DACH2: variants seen among roughly 807,000 people sequenced by gnomAD.
The protein encoded by DACH2 is dachshund homolog 2.
DACH2 carries 17 observed loss-of-function variants against 35.8 expected under a neutral mutation model. That is an observed-to-expected ratio of 0.48 (90% CI 0.33 to 0.71). The LOEUF is 0.71. Among genes scored for constraint, DACH2 ranks in the 30% least tolerant of loss-of-function variants. The probability of loss-of-function intolerance (pLI) is 0.02; values close to 1 mark genes in which losing one functional copy is unlikely to be tolerated. For synonymous variants in DACH2, 195 were observed against 177.3 expected, an observed-to-expected ratio of 1.10 and a Z score of -0.79; for missense variants, 469 against 472.7, an observed-to-expected ratio of 0.99 and a Z score of 0.07.
chrX:86,589,132 T>C (rs2039611833), intron 3 of DACH2, among the ~76,000 whole-genome samples: 1 of 111,996 alleles, frequency 8.9e-6, no homozygotes, highest in African/African-American at 3.2e-5. Context: ...ATGGTTTTTG[T>C]CTTTAATTAT....
intron 7 of DACH2, among the ~76,000 whole-genome samples, chrX:86,765,646 G>GT (rs1260651068): frequency 1.1e-5 from 1 of 93,779 alleles, no homozygotes; most frequent in Non-Finnish European, 2.1e-5. Flanking sequence ...TTAGAGTATA[G>GT]TTTAAAGTCA....
intron 1 of DACH2, among the ~76,000 whole-genome samples, chrX:86,333,961 G>A (rs912737517): frequency 9.1e-6 from 1 of 109,558 alleles, no homozygotes; most frequent in African/African-American, 3.3e-5. Flanking sequence ...CTGTGTCCAT[G>A]TGTTCTCATT....
At chrX:86,334,560 T>C (rs766324670) in intron 1 of DACH2, among the ~76,000 whole-genome samples, 26 of 112,729 alleles carry the variant, frequency 2.3e-4, no homozygotes, top group African/African-American at 6.8e-4. Context: ...TGTCTTCTTA[T>C]GAGAAGTGTC....
At chrX:86,713,270 G>A (rs2041298663) in intron 5 of DACH2, among the ~76,000 whole-genome samples, 1 of 111,395 alleles carries the variant, frequency 9.0e-6, no homozygotes, top group African/African-American at 3.3e-5. Flanking sequence ...GCCATAGAAT[G>A]CGAGAAAATC....
intron 2 of DACH2, among the ~76,000 whole-genome samples, chrX:86,436,361 T>TC (rs1368447623): frequency 4.1e-5 from 2 of 49,288 alleles, no homozygotes; most frequent in Non-Finnish European, 6.7e-5. Flanking sequence ...AAGGTGGTGA[T>TC]ATATGTATAT....
chrX:86,407,404 C>T (rs2036543224), intron 2 of DACH2, among the ~76,000 whole-genome samples: 2 of 111,822 alleles, frequency 1.8e-5, no homozygotes, highest in African/African-American at 3.2e-5. Context: ...TAAAGCGTGG[C>T]TTTTCTTATC....
At chrX:86,542,319 T>A (rs963381957) in intron 3 of DACH2, among the ~76,000 whole-genome samples, 24 of 111,817 alleles carry the variant, frequency 2.1e-4, no homozygotes, top group Admixed American at 3.8e-4. Flanking sequence ...GCCATGAGTG[T>A]GATCTCTCAA....
intron 4 of DACH2, among the ~76,000 whole-genome samples, chrX:86,668,285 T>C (rs2040723580): frequency 8.9e-6 from 1 of 112,069 alleles, no homozygotes; most frequent in South Asian, 3.7e-4. Flanking sequence ...AATTTTTCAG[T>C]CTCTTGTTAA....
intron 1 of DACH2, among the ~76,000 whole-genome samples, chrX:86,191,992 A>G (rs1333423117): frequency 1.8e-5 from 2 of 111,677 alleles, no homozygotes; most frequent in African/African-American, 3.2e-5. Flanking sequence ...GTCTTATTCA[A>G]CTTTAGTTCC....
chrX:86,331,946 C>T (rs1003740299), intron 1 of DACH2, among the ~76,000 whole-genome samples: 3 of 111,284 alleles, frequency 2.7e-5, no homozygotes, highest in Non-Finnish European at 3.8e-5. Flanking sequence ...TTCCTATCTG[C>T]GTTTATAAGA....
At chrX:86,319,142 G>T (rs1164432111) in intron 1 of DACH2, among the ~76,000 whole-genome samples, 3 of 111,477 alleles carry the variant, frequency 2.7e-5, no homozygotes, top group Non-Finnish European at 5.7e-5. Context: ...AAACCTTGTT[G>T]CGCTTTTATT....
At chrX:86,421,515 G>A (rs139264726) in intron 2 of DACH2, among the ~76,000 whole-genome samples, 6 of 111,363 alleles carry the variant, frequency 5.4e-5, no homozygotes, top group East Asian at 2.8e-4. Flanking sequence ...AGCAAACACG[G>A]TTTTTGGAAG....
intron 3 of DACH2, among the ~76,000 whole-genome samples, chrX:86,571,185 A>T (rs932979695): frequency 1.7e-4 from 19 of 111,264 alleles, no homozygotes; most frequent in African/African-American, 6.2e-4. Flanking sequence ...ATCATTTGTT[A>T]AAAATCTTTT....
chrX:86,764,304 G>C (rs189359813), intron 7 of DACH2, among the ~76,000 whole-genome samples: 234 of 111,159 alleles, frequency 2.1e-3, no homozygotes, highest in Non-Finnish European at 3.2e-3. Context: ...CTGAGACCTG[G>C]GTTCCCAATG....
In DACH2 at chrX:86,563,436, C is replaced by T. The variant is rs770516620; in HGVS notation, c.640+49045C>T. On this transcript the variant is annotated intron_variant, in intron 3 of 11. Transcript: ENST00000373125. Reference sequence around the variant, plus strand: ...TGTAATACAGGGTTTAGGTATAAAACAACAGCTGTGTATAGATCCAATAAT... The same window carrying T: ...TGTAATACAGGGTTTAGGTATAAAATAACAGCTGTGTATAGATCCAATAAT... Among the ~76,000 whole-genome samples, 4 of 110,252 alleles carry T rather than the reference C, an allele frequency of 3.6e-5. No individual in the cohort carries two copies. In the East Asian group the frequency reaches 1.1e-3, roughly 32 times the overall value.
At chrX:86,294,497 G>A (rs1008878088) in intron 1 of DACH2, among the ~76,000 whole-genome samples, 16 of 110,868 alleles carry the variant, frequency 1.4e-4, no homozygotes, top group Non-Finnish European at 1.3e-4. Context: ...GAGGAGAGTC[G>A]CTCTGCTTTT....
intron 1 of DACH2, among the ~76,000 whole-genome samples, chrX:86,364,936 C>A (rs1004721297): frequency 9.0e-6 from 1 of 110,789 alleles, no homozygotes; most frequent in African/African-American, 3.3e-5. Flanking sequence ...ACGGGAGTAA[C>A]CTCTAGTAAT....
chrX:86,608,352 A>G (rs1388759943), intron 3 of DACH2, among the ~76,000 whole-genome samples: 1 of 111,916 alleles, frequency 8.9e-6, no homozygotes, highest in African/African-American at 3.3e-5. Flanking sequence ...TGTGGAATTC[A>G]GTGTGGCGAT....
intron 1 of DACH2, among the ~76,000 whole-genome samples, chrX:86,222,098 A>G (rs780277276): frequency 8.9e-6 from 1 of 112,564 alleles, no homozygotes; most frequent in African/African-American, 3.2e-5. Flanking sequence ...ATTGGGGGTT[A>G]GGGTTTCAAC....
Sources: gnomAD v4.1 joint callset for allele counts (sites outside exome capture counted in the v4.1 genomes callset) on GRCh38, gnomAD v4.1.1 for gene constraint, MANE v1.5 for transcripts, NCBI Gene and HGNC (gene_info 2026-07-23, HGNC 2026-07-21) for gene names.